LRRC31: variants seen among roughly 807,000 people sequenced by gnomAD.
LRRC31 encodes leucine-rich repeat-containing protein 31.
Under a neutral mutation model 46.7 loss-of-function variants are expected in LRRC31, and 35 were observed. The ratio of observed to expected loss-of-function variants is 0.75; its 90% CI spans 0.57 to 0.99. The LOEUF is 0.99. LRRC31 is among the 50% of genes least tolerant of loss of function. LRRC31 has a pLI of 0.00. For missense variants in LRRC31, 613 were observed against 626.1 expected (o/e 0.98, Z 0.22); for synonymous variants, 236 against 235.1 (o/e 1.00, Z -0.03).
rs1156780708 is a variant in LRRC31 at position 169,839,610 on chromosome 3, A to C, written c.*372T>G. On this transcript the variant is annotated 3_prime_UTR_variant, in exon 9 of 9. Coordinates refer to ENST00000316428, the MANE Select transcript of LRRC31 (RefSeq NM_024727.4). ...GCAAAACATTTCTGGGCAAGAGGAA[A>C]GCAGTTGCAGTACCAAAATCTAAAC... 1 of 152,092 alleles carries C rather than the reference A, an allele frequency of 6.6e-6. No homozygotes were observed. Among genetic ancestry groups the C allele is most frequent in the African/African-American group, 2.4e-5 (1 of 41,420 alleles). The allele number at this position is 152,092 out of a possible 1,614,324, so 9.4% of individuals were successfully genotyped here.
At chr3:169,866,350 A>C (rs989462369) in intron 1 of LRRC31, among the ~76,000 whole-genome samples, 17 of 152,110 alleles carry the variant, frequency 1.1e-4, no homozygotes, top group African/African-American at 3.9e-4. Context: ...ATTTTGGGAG[A>C]AATAGAAATG....
intron 6 of LRRC31, 107 bp downstream of exon 6, chr3:169,854,706 A>C: frequency 1.2e-6 from 1 of 859,800 alleles, no homozygotes; most frequent in East Asian, 2.4e-5. Context: ...GATCTTTCCA[A>C]TAACTTCAAA....
At chr3:169,857,961 T>G (rs543354109) in intron 3 of LRRC31, among the ~76,000 whole-genome samples, 1 of 152,148 alleles carries the variant, frequency 6.6e-6, no homozygotes, top group South Asian at 2.1e-4. Context: ...CCCTGAGGTG[T>G]TCCCCAGGCT....
At chr3:169,848,335 G>A (rs370657995) in intron 7 of LRRC31, 48 bp from the exon 8 acceptor site, 2 of 1,562,112 alleles carry the variant, frequency 1.3e-6, no homozygotes, top group East Asian at 2.3e-5. Flanking sequence ...ATTTCTTACA[G>A]ATCATAGGCT....
At chr3:169,852,947 G>A (rs1780832048) in intron 6 of LRRC31, among the ~76,000 whole-genome samples, 1 of 152,218 alleles carries the variant, frequency 6.6e-6, no homozygotes, top group South Asian at 2.1e-4. Context: ...ATCAGTACCT[G>A]AAACATCAGA....
rs3732451 is a variant in LRRC31 at position 169,840,237 on chromosome 3, C to T, written c.1404G>A (p.Ala468=). The change falls in exon 9 of 9, where the codon GCG becomes GCA. Residue 468 remains alanine (A), a synonymous_variant. Coordinates refer to ENST00000316428, the MANE Select transcript of LRRC31 (RefSeq NM_024727.4). ...CGTTTTGGCAGAACATGGTCCACCCCGCATCACAGATGCTGTCATTGTAGC... is the reference window on the plus strand; with the variant it reads ...CGTTTTGGCAGAACATGGTCCACCCTGCATCACAGATGCTGTCATTGTAGC... ...DLSYNDSICD[A]GWTMFCQNVR... The T allele has an allele frequency of 0.41, 656,278 of 1,613,710 alleles. 140,966 individuals are homozygous for T. The highest frequency in any genetic ancestry group is 0.76 in the East Asian group (34,020 of 44,870).
intron 1 of LRRC31, among the ~76,000 whole-genome samples, chr3:169,864,020 GTGTGTGTGT>G (rs1193613020): frequency 1.4e-5 from 2 of 144,800 alleles, no homozygotes; most frequent in African/African-American, 5.8e-5. Flanking sequence ...GTGTGTGTGT[GTGTGTGTGT>G]TATTTTTGTA....
chr3:169,849,920 C>A (rs554978318), intron 7 of LRRC31, among the ~76,000 whole-genome samples: 9 of 152,188 alleles, frequency 5.9e-5, no homozygotes. Flanking sequence ...TAAGGGCCAG[C>A]CTTACTGGTT....
intron 1 of LRRC31, among the ~76,000 whole-genome samples, chr3:169,867,331 C>T (rs1212201475): frequency 6.9e-6 from 1 of 145,212 alleles, no homozygotes; most frequent in African/African-American, 2.6e-5. Context: ...AATCTTGGCT[C>T]ACTGAAACCT....
At chr3:169,853,394 T>C in intron 6 of LRRC31, 1 of 985,440 alleles carries the variant, frequency 1.0e-6, no homozygotes, top group Non-Finnish European at 1.2e-6. Flanking sequence ...TATCAAATAA[T>C]TATTAGTTTT....
Position 169,848,281 on chromosome 3 carries a change from G to C in LRRC31, c.1166C>G (p.Ala389Gly), listed in dbSNP as rs376396812. The change falls in exon 8 of 9, where the codon GCC (alanine) becomes GGC (glycine). Residue 389 changes from alanine (A) to glycine (G), a missense_variant. By Grantham distance (60) the Ala-to-Gly change is moderately conservative. Transcript: ENST00000316428. ...ESETFTALAEASVHLSALEVF... is the reference protein window; with the variant it reads ...ESETFTALAEGSVHLSALEVF... ...TTCCAGAGCAGAGAGGTGAACAGAG[G>C]CTTCAGCTAAAAGTGATAACAATAC... The C allele has an allele frequency of 6.2e-7, 1 of 1,613,752 alleles. No individual in the cohort carries two copies. The highest frequency in any genetic ancestry group is 1.3e-5 in the African/African-American group (1 of 74,906).
At chr3:169,847,377 G>T (rs1428025587) in intron 8 of LRRC31, among the ~76,000 whole-genome samples, 1 of 152,144 alleles carries the variant, frequency 6.6e-6, no homozygotes, top group Non-Finnish European at 1.5e-5. Flanking sequence ...TAGAGATGGG[G>T]TTTCTTCATG....
At chr3:169,849,027 A>G (rs1474781966) in intron 7 of LRRC31, among the ~76,000 whole-genome samples, 1 of 152,242 alleles carries the variant, frequency 6.6e-6, no homozygotes, top group Non-Finnish European at 1.5e-5. Flanking sequence ...TCACGCAATT[A>G]CTGCAGGCAA....
chr3:169,865,531 G>A (rs892313989), intron 1 of LRRC31, among the ~76,000 whole-genome samples: 3 of 152,112 alleles, frequency 2.0e-5, no homozygotes, highest in Non-Finnish European at 2.9e-5. Context: ...CAAAACTCTC[G>A]ACACTCATAA....
chr3:169,864,654 CA>C (rs1781275658), intron 1 of LRRC31, among the ~76,000 whole-genome samples: 1 of 152,206 alleles, frequency 6.6e-6, no homozygotes, highest in Non-Finnish European at 1.5e-5. Flanking sequence ...ATTGGTTTTA[CA>C]GTTCCTCAAT....
In LRRC31 at chr3:169,865,258, AAAAAAG is replaced by A. The variant is rs549959083; in HGVS notation, c.176-3451_176-3446del. Among the ~76,000 whole-genome samples the A allele has an allele frequency of 3.3e-3, 499 of 152,218 alleles. 4 individuals carry two copies. Among genetic ancestry groups the A allele is most frequent in the African/African-American group, 0.012 (487 of 41,548 alleles). On this transcript the variant is annotated intron_variant, in intron 1 of 8. Coordinates refer to ENST00000316428, the MANE Select transcript of LRRC31 (RefSeq NM_024727.4). ...GAGTAAGGCTCTATCTCAAAAAAAAAAAAAAGAAAAATTATATGAAGCCTTCTCTTC... is the reference window on the plus strand; with the variant it reads ...GAGTAAGGCTCTATCTCAAAAAAAAAAAAAATTATATGAAGCCTTCTCTTC...
chr3:169,849,777 A>G (rs1176543049), intron 7 of LRRC31, among the ~76,000 whole-genome samples: 5 of 152,210 alleles, frequency 3.3e-5, no homozygotes, highest in Non-Finnish European at 4.4e-5. Flanking sequence ...CCAAAATTCC[A>G]TCCTCACAAA....
At chr3:169,851,131 C>G (rs980058411) in intron 7 of LRRC31, among the ~76,000 whole-genome samples, 1 of 152,084 alleles carries the variant, frequency 6.6e-6, no homozygotes, top group Non-Finnish European at 1.5e-5. Flanking sequence ...CTCACTTTCC[C>G]ATCAGATCCC....
chr3:169,867,621 C>T (rs955386331), intron 1 of LRRC31, among the ~76,000 whole-genome samples: 5 of 152,122 alleles, frequency 3.3e-5, no homozygotes, highest in Non-Finnish European at 5.9e-5. Flanking sequence ...GATCCTCCTG[C>T]CTCAGCTTGC....
Sources: gnomAD v4.1 joint callset for allele counts (sites outside exome capture counted in the v4.1 genomes callset) on GRCh38, gnomAD v4.1.1 for gene constraint, MANE v1.5 for transcripts, NCBI Gene and HGNC (gene_info 2026-07-23, HGNC 2026-07-21) for gene names.